The following TECPR2 variants were observed in gnomAD, a reference collection of about 807,000 sequenced individuals.
TECPR2 encodes the protein tectonin beta-propeller repeat-containing protein 2.
In TECPR2, 65 loss-of-function variants were observed where a neutral mutation model predicts 138.1. The observed-to-expected ratio is 0.47, with a 90% CI of 0.39 to 0.58. The LOEUF (loss-of-function observed/expected upper bound fraction) is 0.58. Among genes scored for constraint, TECPR2 ranks in the 20% least tolerant of loss-of-function variants. TECPR2 has a pLI of 0.00. For synonymous variants in TECPR2, 746 were observed against 749.8 expected (o/e 0.99, Z 0.08); for missense variants, 1,553 against 1,824.5 (o/e 0.85, Z 2.71).
intron 17 of TECPR2, among the ~76,000 whole-genome samples, chr14:102,482,164 C>G (rs1235002456): frequency 6.6e-6 from 1 of 152,086 alleles, no homozygotes; most frequent in Non-Finnish European, 1.5e-5. Flanking sequence ...AGTGATTCTT[C>G]TGCCTCAGCC....
chr14:102,410,489 TA>T (rs1386155351), intron 4 of TECPR2, among the ~76,000 whole-genome samples: 4 of 117,804 alleles, frequency 3.4e-5, no homozygotes, highest in Admixed American at 7.9e-5. Context: ...AAATAAAAAA[TA>T]AAAAATAAAA....
At chr14:102,464,762 G>C (rs1890508822) in intron 16 of TECPR2, among the ~76,000 whole-genome samples, 1 of 152,142 alleles carries the variant, frequency 6.6e-6, no homozygotes. Flanking sequence ...GCTGGCATTA[G>C]TCACATGTCT....
At chr14:102,438,251 G>A (rs986081444) in intron 10 of TECPR2, 46 bp downstream of exon 10, 7 of 1,563,800 alleles carry the variant, frequency 4.5e-6, no homozygotes, top group Non-Finnish European at 5.2e-6. Flanking sequence ...CCCGCTCGCC[G>A]CTCCTGCTCC....
At chr14:102,451,090 C>A (rs905979377) in intron 15 of TECPR2, among the ~76,000 whole-genome samples, 3 of 152,240 alleles carry the variant, frequency 2.0e-5, no homozygotes, top group African/African-American at 2.4e-5. Flanking sequence ...ATTAGGCAGA[C>A]CTGCCCTGCA....
chr14:102,374,196 A>C (rs527675740), intron 1 of TECPR2, among the ~76,000 whole-genome samples: 1 of 152,130 alleles, frequency 6.6e-6, no homozygotes, highest in East Asian at 1.9e-4. Flanking sequence ...AAAAAATGAT[A>C]CTTTGCTGCT....
chr14:102,433,718 T>A (rs1889576531), intron 8 of TECPR2, among the ~76,000 whole-genome samples: 1 of 151,966 alleles, frequency 6.6e-6, no homozygotes. Context: ...GGCAGGGGTT[T>A]ACCATGTTGG....
In TECPR2 at chr14:102,376,866, G is replaced by A. The variant is rs761797374; in HGVS notation, c.145G>A (p.Ala49Thr). 3.7e-6 allele frequency: 6 copies of A among 1,614,014 alleles called. No individual in the cohort carries two copies. The East Asian group carries it at 6.7e-5, about 18-fold the overall frequency. Residue 49 changes from alanine to threonine, a missense_variant, in exon 2 of 20, where the codon GCG becomes ACG. Physicochemically the swap from Ala to Thr is moderately conservative, Grantham distance 58. Coordinates refer to ENST00000359520, the MANE Select transcript of TECPR2 (RefSeq NM_014844.5). Reference sequence around the variant, plus strand: ...CCTCGACACCAACGGGGACTACATCGCGGTGGGCAGCAGCATCGGCATGCT... The same window carrying A: ...CCTCGACACCAACGGGGACTACATCACGGTGGGCAGCAGCATCGGCATGCT... ...TALDTNGDYI[A>T]VGSSIGMLYL...
intron 15 of TECPR2, among the ~76,000 whole-genome samples, chr14:102,450,885 T>A (rs1021768345): frequency 4.6e-5 from 7 of 152,118 alleles, no homozygotes; most frequent in African/African-American, 1.7e-4. Context: ...AGGGAAAGTG[T>A]CCTTCTGAAG....
chr14:102,434,714 A>G lies in TECPR2; in HGVS notation c.1897A>G (p.Ile633Val), dbSNP rs371197871. The G allele has an allele frequency of 1.5e-5, 24 of 1,613,620 alleles. No homozygotes were observed. In the Admixed American group the frequency reaches 2.0e-4, roughly 13 times the overall value. Residue 633 changes from isoleucine to valine, a missense_variant, in exon 9 of 20, where the codon ATT (isoleucine) becomes GTT (valine). Transcript: ENST00000359520. ...GCATGATGGGGAAGACATCCAACCC[A>G]TTGGCCCCCAAAGCACTTTTTGTGA... is the stretch of plus-strand genomic sequence containing the variant. The part of the protein sequence containing the change: ...GAHDGEDIQP[I>V]GPQSTFCEVP...
In TECPR2 at chr14:102,420,157, A is replaced by G. The variant is rs140157700; in HGVS notation, c.639-4822A>G. On this transcript the variant is annotated intron_variant, in intron 5 of 19. Transcript: ENST00000359520. This position sits in a 1 kb window ranked among gnomAD's most constrained non-coding sequence, Gnocchi z 4.1. Reference sequence around the variant, plus strand: ...ATTTTATAGCTAGAATTTGTTAGCCAGAACACACTCCTTACATATCAACGT... The same window carrying G: ...ATTTTATAGCTAGAATTTGTTAGCCGGAACACACTCCTTACATATCAACGT... Among the ~76,000 whole-genome samples, 3 of 152,376 alleles carry G rather than the reference A, an allele frequency of 2.0e-5. No individual in the cohort carries two copies. The highest frequency in any genetic ancestry group is 2.1e-4 in the South Asian group (1 of 4,832).
chr14:102,436,300 T>G (rs942415676), intron 9 of TECPR2, among the ~76,000 whole-genome samples: 1 of 151,640 alleles, frequency 6.6e-6, no homozygotes, highest in Non-Finnish European at 1.5e-5. Flanking sequence ...AAGTCTGGCT[T>G]TTTTTTCTTC....
At chr14:102,394,167 C>T (rs895850748) in intron 2 of TECPR2, among the ~76,000 whole-genome samples, 6 of 152,100 alleles carry the variant, frequency 3.9e-5, no homozygotes, top group Non-Finnish European at 8.8e-5. Context: ...CCTTCCTTTC[C>T]ACAAACCTAC....
At position 102,408,510 on chromosome 14, in the gene TECPR2, G is replaced by T. The variant is rs565917474; in HGVS notation, c.371G>T (p.Gly124Val). The T allele has an allele frequency of 1.9e-6, 3 of 1,608,172 alleles. No homozygotes were observed. The East Asian group carries it at 6.7e-5, about 36-fold the overall frequency. ...NKQLRRFDVTGIHKNSITALA... is the reference protein window; with the variant it reads ...NKQLRRFDVTVIHKNSITALA... ...TAGCTTCGGAGATTTGATGTCACTG[G>T]TATTCACAAAAATAGCATTACAGCT... The change falls in exon 4 of 20, where the codon GGT becomes GTT. Residue 124 changes from glycine (G) to valine (V), a missense_variant. Physicochemically the swap from Gly to Val is moderately radical, Grantham distance 109. Transcript: ENST00000359520.
At chr14:102,449,499 G>A in intron 13 of TECPR2, 130 bp from the exon 14 acceptor site, 2 of 1,430,268 alleles carry the variant, frequency 1.4e-6, no homozygotes, top group Non-Finnish European at 1.9e-6. Flanking sequence ...GTGCACATTT[G>A]TGTTTGGATG....
intron 17 of TECPR2, among the ~76,000 whole-genome samples, chr14:102,496,544 C>T (rs1195020537): frequency 6.6e-6 from 1 of 152,222 alleles, no homozygotes; most frequent in East Asian, 1.9e-4. Flanking sequence ...GACAGCTGTG[C>T]CTAGAGGAGA....
intron 17 of TECPR2, among the ~76,000 whole-genome samples, chr14:102,479,298 G>C (rs1890834385): frequency 6.6e-6 from 1 of 152,192 alleles, no homozygotes; most frequent in Admixed American, 6.5e-5. Flanking sequence ...TGCCTTGGGA[G>C]GACTGTCTGC....
chr14:102,483,935 T>A (rs1890957572), intron 17 of TECPR2, among the ~76,000 whole-genome samples: 1 of 130,654 alleles, frequency 7.7e-6, no homozygotes, highest in African/African-American at 3.1e-5. Flanking sequence ...TAGCTGGGAT[T>A]ATAGGCACCT....
In TECPR2 at chr14:102,415,107, C is replaced by T. The variant is rs1323901044; in HGVS notation, c.638+314C>T. The stretch of plus-strand genomic sequence containing the variant: ...GGTCTATCTGTTCCTTGTGGAGCCA[C>T]CTCCTCCACACAGCCCTGGTGAGGG... On this transcript the variant is annotated intron_variant, in intron 5 of 19. Coordinates refer to ENST00000359520, the MANE Select transcript of TECPR2 (RefSeq NM_014844.5). The surrounding 1 kb of genome is among the most constrained non-coding windows in gnomAD (Gnocchi z 4.3). 6.6e-6 allele frequency among the ~76,000 whole-genome samples: 1 copy of T among 152,212 alleles called. No individual in the cohort carries two copies. Among genetic ancestry groups the T allele is most frequent in the African/African-American group, 2.4e-5 (1 of 41,444 alleles).
chr14:102,408,160 ACT>A (rs1477868675), intron 3 of TECPR2, among the ~76,000 whole-genome samples: 4 of 150,694 alleles, frequency 2.7e-5, no homozygotes, highest in Non-Finnish European at 4.4e-5. Context: ...ACGGAGCGAG[ACT>A]CTGTCTCAAA....
Sources: gnomAD v4.1 joint callset for allele counts (sites outside exome capture counted in the v4.1 genomes callset) on GRCh38, gnomAD v4.1.1 for gene constraint, Gnocchi (gnomAD v3.1) non-coding constraint, MANE v1.5 for transcripts, NCBI Gene and HGNC (gene_info 2026-07-23, HGNC 2026-07-21) for gene names.